Variants in PLEKHA4 observed in about 807,000 individuals in gnomAD.
PLEKHA4 encodes the protein pleckstrin homology domain containing A4, also known as pleckstrin homology domain-containing family A member 4.
In PLEKHA4, 73 loss-of-function variants were observed where a neutral mutation model predicts 94.7. The ratio of observed to expected loss-of-function variants is 0.77; its 90% CI spans 0.64 to 0.94. The LOEUF (loss-of-function observed/expected upper bound fraction) is 0.94, where lower values mean the gene tolerates loss of function less well. Ranked by LOEUF, PLEKHA4 falls within the 40% of genes least tolerant of loss-of-function variation. The probability of loss-of-function intolerance (pLI) is 0.00; values close to 1 mark genes in which losing one functional copy is unlikely to be tolerated. For synonymous variants in PLEKHA4, 449 were observed against 437.1 expected, an observed-to-expected ratio of 1.03 and a Z score of -0.34; for missense variants, 1,049 against 1,054.1, an observed-to-expected ratio of 1.00 and a Z score of 0.07.
chr19:48,844,644 C>T (rs2035897065), intron 16 of PLEKHA4: 1 of 985,016 alleles, frequency 1.0e-6, no homozygotes, highest in Non-Finnish European at 1.2e-6. Flanking sequence ...TCATTGATAG[C>T]TCCATGCTTC....
chr19:48,837,846 C>G lies in PLEKHA4; in HGVS notation c.2077+171G>C, dbSNP rs2122850328. 6.6e-6 allele frequency among the ~76,000 whole-genome samples: 1 copy of G among 151,984 alleles called. No homozygotes were observed. The highest frequency in any genetic ancestry group is 2.1e-4 in the South Asian group (1 of 4,808). ...CCCTCCTCCCAAGTGTCCCGGACCC[C>G]AGTCACCTCTTGCCTGAGACCTAAA... On this transcript the variant is annotated intron_variant, in intron 19 of 19. Coordinates refer to ENST00000263265, the MANE Select transcript of PLEKHA4 (RefSeq NM_020904.3). The surrounding 1 kb of genome is among the most constrained non-coding windows in gnomAD (Gnocchi z 4.3).
intron 3 of PLEKHA4, among the ~76,000 whole-genome samples, chr19:48,865,114 CG>C (rs2036783427): frequency 6.6e-6 from 1 of 152,052 alleles, no homozygotes; most frequent in Admixed American, 6.6e-5. Flanking sequence ...GGAGCCGAGG[CG>C]GGTGGATCAC....
At chr19:48,845,659 A>T (rs541379003) in intron 14 of PLEKHA4, 43 bp from the exon 15 acceptor site, 192 of 1,343,158 alleles carry the variant, frequency 1.4e-4, no homozygotes, top group Non-Finnish European at 1.9e-4. Context: ...TCATTATAAT[A>T]ATTATTATTA....
At chr19:48,847,364 A>G (rs906985748) in intron 14 of PLEKHA4, among the ~76,000 whole-genome samples, 4 of 152,052 alleles carry the variant, frequency 2.6e-5, no homozygotes, top group South Asian at 2.1e-4. Flanking sequence ...TGAGCCCAAG[A>G]ATTCGAGGCT....
chr19:48,839,241 G>T lies in PLEKHA4; in HGVS notation c.1928C>A (p.Ala643Asp). ...EQRPVVGHSGAQKWLRSSGSW... is the reference protein window; with the variant it reads ...EQRPVVGHSGDQKWLRSSGSW... ...CCCAGAGCTTCTGAGCCATTTCTGG[G>T]CTCCCGAGTGTCCTACGACAGGCTG... The change falls in exon 18 of 20, where the codon GCC becomes GAC. Residue 643 changes from alanine to aspartate, a missense_variant. Coordinates refer to ENST00000263265, the MANE Select transcript of PLEKHA4 (RefSeq NM_020904.3). 1 of 1,594,260 alleles carries T rather than the reference G, an allele frequency of 6.3e-7. No individual in the cohort carries two copies. The highest frequency in any genetic ancestry group is 8.6e-7 in the Non-Finnish European group (1 of 1,167,060).
intron 12 of PLEKHA4, 93 bp from the exon 13 acceptor site, chr19:48,852,419 G>A: frequency 9.9e-7 from 1 of 1,006,156 alleles, no homozygotes; most frequent in Non-Finnish European, 1.5e-6. Context: ...AGGAGATAAG[G>A]GAGTTTGGTC....
At chr19:48,863,463 C>T (rs914917079) in intron 3 of PLEKHA4, among the ~76,000 whole-genome samples, 9 of 146,700 alleles carry the variant, frequency 6.1e-5, no homozygotes, top group Non-Finnish European at 1.3e-4. Context: ...GGAGTCTTCG[C>T]TCTGTCACCC....
Position 48,837,267 on chromosome 19 carries a change from T to C in PLEKHA4, c.*22A>G, listed in dbSNP as rs748990305. On this transcript the variant is annotated 3_prime_UTR_variant, in exon 20 of 20. Transcript: ENST00000263265. This position sits in a 1 kb window ranked among gnomAD's most constrained non-coding sequence, Gnocchi z 4.3. ...TCCAGACCACGTCCTCGCGCTCCGA[T>C]TGGCTGCCGCTTTTGGGCGGATTAG... 7.4e-6 allele frequency: 12 copies of C among 1,613,826 alleles called. No individual in the cohort carries two copies. The African/African-American group carries it at 1.3e-4, about 18-fold the overall frequency.
At chr19:48,846,123 A>C (rs2122958817) in intron 14 of PLEKHA4, among the ~76,000 whole-genome samples, 1 of 151,580 alleles carries the variant, frequency 6.6e-6, no homozygotes, top group African/African-American at 2.4e-5. Flanking sequence ...CAGGAGCTAG[A>C]CACCAGCTGG....
At chr19:48,851,446 G>A (rs374960491) in intron 13 of PLEKHA4, among the ~76,000 whole-genome samples, 3 of 147,202 alleles carry the variant, frequency 2.0e-5, no homozygotes, top group East Asian at 2.1e-4. Flanking sequence ...GAGAAACCCC[G>A]TCTCTACTAA....
rs147150671 is a variant in PLEKHA4 at position 48,852,266 on chromosome 19, C to G, written c.1387G>C (p.Glu463Gln). Residue 463 changes from glutamate (E) to glutamine (Q), a missense_variant, in exon 13 of 20, where the codon GAG (glutamate) becomes CAG (glutamine). Coordinates refer to ENST00000263265, the MANE Select transcript of PLEKHA4 (RefSeq NM_020904.3). ...AGGTGCAGCAGGTACTCCAGCGTCTCTCTTAAGGTGCCCAGCTCCTGCTCC... is the reference window on the plus strand; with the variant it reads ...AGGTGCAGCAGGTACTCCAGCGTCTGTCTTAAGGTGCCCAGCTCCTGCTCC... ...GLEQELGTLRETLEYLLHLGS... is the reference protein window; with the variant it reads ...GLEQELGTLRQTLEYLLHLGS... 128 of 1,614,006 alleles carry G rather than the reference C, an allele frequency of 7.9e-5. No homozygotes were observed. The highest frequency in any genetic ancestry group is 9.7e-5 in the Non-Finnish European group (114 of 1,180,044).
rs190192811 is a variant in PLEKHA4, at chr19:48,866,601, C to T, written c.84+936G>A. On this transcript the variant is annotated intron_variant, in intron 2 of 19. Transcript: ENST00000263265. ...GGATTATAGGCGTGAGCCACTGCGC[C>T]GGGCCGAGACTCTTTTTTTGATGGG... Among the ~76,000 whole-genome samples, 365 of 152,276 alleles carry T rather than the reference C, an allele frequency of 2.4e-3. 4 individuals carry two copies. The highest frequency in any genetic ancestry group is 8.3e-3 in the African/African-American group (347 of 41,570).
At chr19:48,855,802 AT>A (rs35586934) in intron 9 of PLEKHA4, among the ~76,000 whole-genome samples, 1 of 150,638 alleles carries the variant, frequency 6.6e-6, no homozygotes, top group Non-Finnish European at 1.5e-5. Flanking sequence ...AAAATAAATA[AT>A]TTTTTTTAAT....
chr19:48,860,524 C>A, intron 5 of PLEKHA4, 65 bp from the exon 6 acceptor site: 1 of 1,262,660 alleles, frequency 7.9e-7, no homozygotes, highest in East Asian at 2.4e-5. Context: ...CAGGCCGGAC[C>A]GGTGACTCAT....
At chr19:48,843,592 C>T (rs2035848650) in intron 16 of PLEKHA4, among the ~76,000 whole-genome samples, 1 of 151,922 alleles carries the variant, frequency 6.6e-6, no homozygotes, top group South Asian at 2.1e-4. Context: ...GCAATCCTCA[C>T]GTCTCAACCT....
rs1479999434 is a variant in PLEKHA4 at position 48,854,415 on chromosome 19, C to T, written c.1048-151G>A. ...ATAGGGTCTTGCTCTGTCACCCAAG[C>T]TGGTGTGCAGTCGTGCGATCATGGT... On this transcript the variant is annotated intron_variant, in intron 9 of 19. Transcript: ENST00000263265. 3 of 725,094 alleles carry T rather than the reference C, an allele frequency of 4.1e-6. No homozygotes were observed. In the East Asian group the frequency reaches 8.2e-5, roughly 20 times the overall value. 44.9% of individuals were successfully genotyped at this position (725,094 alleles called of 1,614,324 possible).
rs113154454 is a variant in PLEKHA4 at position 48,867,407 on chromosome 19, G to T, written c.84+130C>A. ...TAGCTGCGGTGTGTAGGCAATTTGG[G>T]ACCTTACTATGTCTGGCAGACCCCG... On this transcript the variant is annotated intron_variant, in intron 2 of 19. Transcript: ENST00000263265. This position sits in a 1 kb window ranked among gnomAD's most constrained non-coding sequence, Gnocchi z 4.7. 1 of 1,042,346 alleles carries T rather than the reference G, an allele frequency of 9.6e-7. No homozygotes were observed. Among genetic ancestry groups the T allele is most frequent in the Admixed American group, 2.4e-5 (1 of 41,718 alleles). 64.6% of individuals were successfully genotyped at this position (1,042,346 alleles called of 1,614,324 possible). A position where few individuals can be genotyped will look rare whatever the true frequency, so the allele number is the denominator to read the frequency against.
At chr19:48,844,937 C>G (rs1465307127) in intron 16 of PLEKHA4, among the ~76,000 whole-genome samples, 1 of 151,634 alleles carries the variant, frequency 6.6e-6, no homozygotes, top group Non-Finnish European at 1.5e-5. Context: ...GCCTCAGCCT[C>G]CCGAGTGGCT....
intron 8 of PLEKHA4, 32 bp downstream of exon 8, chr19:48,858,828 C>T (rs1240756732): frequency 1.9e-6 from 3 of 1,612,866 alleles, no homozygotes; most frequent in Admixed American, 1.7e-5. Flanking sequence ...TGATGGGAAA[C>T]GTAGTCCCCT....
Sources: gnomAD v4.1 joint callset for allele counts (sites outside exome capture counted in the v4.1 genomes callset) on GRCh38, gnomAD v4.1.1 for gene constraint, Gnocchi (gnomAD v3.1) non-coding constraint, MANE v1.5 for transcripts, NCBI Gene and HGNC (gene_info 2026-07-23, HGNC 2026-07-21) for gene names.